Variants in RAB24 observed in about 807,000 individuals in gnomAD.
The protein encoded by RAB24 is RAB24, member RAS oncogene family, also known as ras-related protein Rab-24.
In RAB24, 9 loss-of-function variants were observed where a neutral mutation model predicts 31.4. That is an observed-to-expected ratio of 0.29 (90% CI 0.17 to 0.50). RAB24 has a LOEUF of 0.50. Among genes scored for constraint, RAB24 ranks in the 20% least tolerant of loss-of-function variants. The pLI, the probability that RAB24 is intolerant of heterozygous loss-of-function variation, is 0.98. For synonymous variants in RAB24, 106 were observed against 94.1 expected, an observed-to-expected ratio of 1.13 and a Z score of -0.73; for missense variants, 197 against 265.2, an observed-to-expected ratio of 0.74 and a Z score of 1.79.
chr5:177,303,135 C>G lies in RAB24; in HGVS notation c.117+37G>C. 1 of 1,613,482 alleles carries G rather than the reference C, an allele frequency of 6.2e-7. No individual in the cohort carries two copies. The highest frequency in any genetic ancestry group is 8.5e-7 in the Non-Finnish European group (1 of 1,179,736). ...GTGCAGATTACCGGCCCCCCACTCC[C>G]CCGCCCACCGTGCCTGGCCCCTCCG... On this transcript the variant is annotated intron_variant, in intron 1 of 7. Coordinates refer to ENST00000303251, the MANE Select transcript of RAB24 (RefSeq NM_001031677.4). This position sits in a 1 kb window ranked among gnomAD's most constrained non-coding sequence, Gnocchi z 6.1.
chr5:177,302,253 G>T, intron 5 of RAB24, 75 bp from the exon 6 acceptor site: 1 of 1,580,608 alleles, frequency 6.3e-7, no homozygotes, highest in Non-Finnish European at 8.7e-7. Flanking sequence ...AGCAGTTCAG[G>T]GAGTCTCCTG....
rs749521151 is a variant in RAB24 at position 177,302,963 on chromosome 5, C to T, written c.186+46G>A. On this transcript the variant is annotated intron_variant, in intron 2 of 7. Coordinates refer to ENST00000303251, the MANE Select transcript of RAB24 (RefSeq NM_001031677.4). ...AACCAGTAATAGGCAGGACCTACAC[C>T]TCCTCAGGAATGAGTCTCCCAAGAA... The T allele has an allele frequency of 2.5e-6, 4 of 1,604,370 alleles. No homozygotes were observed. In the African/African-American group the frequency reaches 5.4e-5, roughly 21 times the overall value.
chr5:177,302,215 A>AT, intron 5 of RAB24, 37 bp from the exon 6 acceptor site: 1 of 1,609,676 alleles, frequency 6.2e-7, no homozygotes, highest in Non-Finnish European at 8.5e-7. Flanking sequence ...ATACCTGAGA[A>AT]TTAGATAAAC....
chr5:177,301,942 G>A lies in RAB24; in HGVS notation c.530C>T (p.Ala177Val), dbSNP rs1352514981. Residue 177 changes from alanine to valine, a missense_variant, in exon 7 of 8, where the codon GCC becomes GTC. Transcript: ENST00000303251. ...KVAEDYVSVA[A>V]FQVMTEDKGV... is the part of the protein sequence containing the mutation. ...GCACACACCTGTCATCACCTGGAAG[G>A]CAGCCACACTGACGTAATCCTCTGC... 1 of 1,614,086 alleles carries A rather than the reference G, an allele frequency of 6.2e-7. No individual in the cohort carries two copies.
chr5:177,303,423 C>A lies in RAB24; in HGVS notation c.-135G>T, dbSNP rs921692317. On this transcript the variant is annotated 5_prime_UTR_variant, in exon 1 of 8. Coordinates refer to ENST00000303251, the MANE Select transcript of RAB24 (RefSeq NM_001031677.4). This position sits in a 1 kb window ranked among gnomAD's most constrained non-coding sequence, Gnocchi z 6.1. ...GGCGCCAACCTACGACTCCAGACAGCGCGTCGGGCTCGAGCTCTGGCCGTG... is the reference window on the plus strand; with the variant it reads ...GGCGCCAACCTACGACTCCAGACAGAGCGTCGGGCTCGAGCTCTGGCCGTG... 6.5e-6 allele frequency: 5 copies of A among 773,464 alleles called. No individual in the cohort carries two copies. In the Admixed American group the frequency reaches 7.1e-5, roughly 11 times the overall value. The allele number at this position is 773,464 out of a possible 1,614,324, so 47.9% of individuals were successfully genotyped here.
chr5:177,302,068 A>C, intron 6 of RAB24, 60 bp downstream of exon 6: 1 of 1,610,404 alleles, frequency 6.2e-7, no homozygotes, highest in Non-Finnish European at 8.5e-7. Flanking sequence ...TCTGTGCCCT[A>C]TTCAGCTTCC....
chr5:177,302,373 C>A (rs758281504), intron 5 of RAB24, 24 bp downstream of exon 5: 2 of 1,611,994 alleles, frequency 1.2e-6, no homozygotes, highest in Non-Finnish European at 8.5e-7. Context: ...ACCCCCACCC[C>A]CCAAAGGGCT....
At position 177,301,822 on chromosome 5, in the gene RAB24, G is replaced by A; in HGVS notation, c.548-15C>T. 2 of 1,614,218 alleles carry A rather than the reference G, an allele frequency of 1.2e-6. No individual in the cohort carries two copies. Among genetic ancestry groups the A allele is most frequent in the Non-Finnish European group, 8.5e-7 (1 of 1,180,026 alleles). ...GCCCTTGTCCTCTGTCAAAAAGAGA[G>A]GTGGCAGCTCAGCACCATTCTGTTG... is the stretch of plus-strand genomic sequence containing the variant. On this transcript the variant is annotated splice_polypyrimidine_tract_variant and intron_variant, in intron 7 of 7. Coordinates refer to ENST00000303251, the MANE Select transcript of RAB24 (RefSeq NM_001031677.4).
Position 177,301,566 on chromosome 5 carries a change from A to G in RAB24, c.*177T>C. 1 of 681,620 alleles carries G rather than the reference A, an allele frequency of 1.5e-6. No individual in the cohort carries two copies. The highest frequency in any genetic ancestry group is 4.1e-4 in the Middle Eastern group (1 of 2,448). The allele number at this position is 681,620 out of a possible 1,614,324, so 42.2% of individuals were successfully genotyped here. A position where few individuals can be genotyped will look rare whatever the true frequency, so the allele number is the denominator to read the frequency against. On this transcript the variant is annotated 3_prime_UTR_variant, in exon 8 of 8. Transcript: ENST00000303251. ...GTCCAAATCAGCCTTATCCCTCCTC[A>G]TGCCCACAGTCAGCCCAATGCTGTC...
Position 177,303,549 on chromosome 5 carries a change from G to A in RAB24, c.-261C>T, listed in dbSNP as rs895244302. The A allele has an allele frequency of 1.4e-5, 8 of 574,160 alleles. No homozygotes were observed. The Admixed American group carries it at 2.4e-4, about 17-fold the overall frequency. The allele number at this position is 574,160 out of a possible 1,614,324, so 35.6% of individuals were successfully genotyped here. A position where few individuals can be genotyped will look rare whatever the true frequency, so the allele number is the denominator to read the frequency against. On this transcript the variant is annotated 5_prime_UTR_variant, in exon 1 of 8. Transcript: ENST00000303251. This position sits in a 1 kb window ranked among gnomAD's most constrained non-coding sequence, Gnocchi z 6.1. Reference sequence around the variant, plus strand: ...GCCTCGGGGCGGCCTGGGAGCGCGCGGGACAGCGTCCTCAACAGCGCAGCA... The same window carrying A: ...GCCTCGGGGCGGCCTGGGAGCGCGCAGGACAGCGTCCTCAACAGCGCAGCA...
chr5:177,302,173 T>C lies in RAB24; in HGVS notation c.439A>G (p.Lys147Glu), dbSNP rs757113268. The change falls in exon 6 of 8, where the codon AAA becomes GAA. Residue 147 changes from lysine (K) to glutamate (E), a missense_variant. By Grantham distance (56) the Lys-to-Glu change is moderately conservative. Coordinates refer to ENST00000303251, the MANE Select transcript of RAB24 (RefSeq NM_001031677.4). ...CTGGATGTTTCAAAGAGCTGAGCTT[T>C]GATATCTGTAAAGAGAAGTGACTAA... The part of the protein sequence containing the change: ...HDVQDYADNI[K>E]AQLFETSSKT... The C allele has an allele frequency of 4.3e-6, 7 of 1,614,004 alleles. No individual in the cohort carries two copies. In the Admixed American group the frequency reaches 1.2e-4, roughly 27 times the overall value.
chr5:177,301,669 C>T lies in RAB24; in HGVS notation c.*74G>A. ...GGGGTAGCTCAGACATTTGACTACC[C>T]AAGCCCAGAAAGGAGCTGGGTCCAG... On this transcript the variant is annotated 3_prime_UTR_variant, in exon 8 of 8. Coordinates refer to ENST00000303251, the MANE Select transcript of RAB24 (RefSeq NM_001031677.4). The T allele has an allele frequency of 2.6e-6, 4 of 1,560,118 alleles. No homozygotes were observed. The highest frequency in any genetic ancestry group is 3.5e-6 in the Non-Finnish European group (4 of 1,132,676).
At position 177,302,998 on chromosome 5, in the gene RAB24, G is replaced by A. The variant is rs757986387; in HGVS notation, c.186+11C>T. On this transcript the variant is annotated intron_variant, in intron 2 of 7. Coordinates refer to ENST00000303251, the MANE Select transcript of RAB24 (RefSeq NM_001031677.4). ...ATGAGTCTCCCAAGAATAGATGGCC[G>A]GGGGACTTACCCAAATACCTAATGT... 1.2e-6 allele frequency: 2 copies of A among 1,613,494 alleles called. No individual in the cohort carries two copies. The highest frequency in any genetic ancestry group is 1.1e-5 in the South Asian group (1 of 91,048).
intron 5 of RAB24, 90 bp downstream of exon 5, chr5:177,302,307 T>C: frequency 1.3e-6 from 2 of 1,564,280 alleles, no homozygotes; most frequent in Non-Finnish European, 1.8e-6. Context: ...CTAGAGCACC[T>C]TGCCCTGGCA....
At position 177,302,740 on chromosome 5, in the gene RAB24, C is replaced by G. The variant is rs763035123; in HGVS notation, c.265+12G>C. ...TTTCTTGTGAGACAGCCCAAACCCC[C>G]CCCCCCCTTACCATAGCAGACGATG... On this transcript the variant is annotated intron_variant, in intron 3 of 7. Transcript: ENST00000303251. The G allele has an allele frequency of 6.4e-7, 1 of 1,553,460 alleles. No homozygotes were observed. Among genetic ancestry groups the G allele is most frequent in the Non-Finnish European group, 8.9e-7 (1 of 1,125,548 alleles).
rs1760754363 is a variant in RAB24 at position 177,303,395 on chromosome 5, A to C, written c.-107T>G. 3.0e-5 allele frequency: 31 copies of C among 1,046,584 alleles called. No individual in the cohort carries two copies. Among genetic ancestry groups the C allele is most frequent in the Admixed American group, 3.8e-5 (2 of 52,524 alleles). 64.8% of individuals were successfully genotyped at this position (1,046,584 alleles called of 1,614,324 possible). A position where few individuals can be genotyped will look rare whatever the true frequency, so the allele number is the denominator to read the frequency against. On this transcript the variant is annotated 5_prime_UTR_variant, in exon 1 of 8. Coordinates refer to ENST00000303251, the MANE Select transcript of RAB24 (RefSeq NM_001031677.4). The surrounding 1 kb of genome is among the most constrained non-coding windows in gnomAD (Gnocchi z 6.1). Reference sequence around the variant, plus strand: ...GCCCAAGCCTCAGACCCCGACCCCAAACGGCGCCAACCTACGACTCCAGAC... The same window carrying C: ...GCCCAAGCCTCAGACCCCGACCCCACACGGCGCCAACCTACGACTCCAGAC...
intron 2 of RAB24, 73 bp from the exon 3 acceptor site, chr5:177,302,903 G>T: frequency 6.3e-7 from 1 of 1,594,602 alleles, no homozygotes; most frequent in Non-Finnish European, 8.6e-7. Context: ...TAAGGAAACG[G>T]GTCTATGAGA....
rs778715476 is a variant in RAB24, at chr5:177,301,701, C to T, written c.*42G>A. ...AGAAAGGAGCTGGGTCCAGCCCTTA[C>T]GGGGAATTCCTTTAATTCCCCCAGG... On this transcript the variant is annotated 3_prime_UTR_variant, in exon 8 of 8. Transcript: ENST00000303251. 1.9e-5 allele frequency: 30 copies of T among 1,603,548 alleles called. No homozygotes were observed. The highest frequency in any genetic ancestry group is 1.7e-4 in the Middle Eastern group (1 of 6,008).
chr5:177,302,288 G>A, intron 5 of RAB24, 109 bp downstream of exon 5: 3 of 1,551,926 alleles, frequency 1.9e-6, no homozygotes, highest in South Asian at 1.1e-5. Context: ...AGGAGGCCAG[G>A]AAGACCTCCT....
Sources: allele counts gnomAD v4.1 joint callset, GRCh38; gene constraint gnomAD v4.1.1; non-coding constraint Gnocchi (gnomAD v3.1); transcripts MANE v1.5; gene names NCBI Gene and HGNC (gene_info 2026-07-23, HGNC 2026-07-21).